Variants in TRDN observed in about 807,000 individuals in gnomAD.
TRDN encodes the protein triadin, also known as triadin in skeletal muscle.
In TRDN, 161 loss-of-function variants were observed where a neutral mutation model predicts 149.7. That is an observed-to-expected ratio of 1.08 (90% CI 0.95 to 1.23). The LOEUF (loss-of-function observed/expected upper bound fraction) is 1.23, where lower values mean the gene tolerates loss of function less well. Among genes scored for constraint, TRDN ranks in the 50% most tolerant of loss-of-function variants. The pLI is 0.00. For synonymous variants in TRDN, 294 were observed against 250.5 expected (o/e 1.17, Z -1.64); for missense variants, 896 against 823.5 (o/e 1.09, Z -1.08).
intron 10 of TRDN, among the ~76,000 whole-genome samples, chr6:123,455,562 T>C (rs1776068725): frequency 6.6e-6 from 1 of 152,158 alleles, no homozygotes; most frequent in Non-Finnish European, 1.5e-5. Flanking sequence ...ATGCTCAAAG[T>C]TTACTGACTT....
intron 9 of TRDN, among the ~76,000 whole-genome samples, chr6:123,486,011 T>C (rs1420321393): frequency 3.3e-5 from 5 of 152,054 alleles, no homozygotes; most frequent in African/African-American, 9.7e-5. Flanking sequence ...CTTTCATTCA[T>C]AGCAAATTAA....
At chr6:123,380,563 G>A (rs1781676430) in intron 16 of TRDN, among the ~76,000 whole-genome samples, 1 of 152,204 alleles carries the variant, frequency 6.6e-6, no homozygotes. Flanking sequence ...AACGTTGAAT[G>A]TCTCAGCATC....
chr6:123,419,050 A>C lies in TRDN; in HGVS notation c.1051+19013T>G, dbSNP rs185224979. Among the ~76,000 whole-genome samples the C allele has an allele frequency of 3.9e-5, 6 of 152,036 alleles. No individual in the cohort carries two copies. In the East Asian group the frequency reaches 9.7e-4, roughly 25 times the overall value. On this transcript the variant is annotated intron_variant, in intron 12 of 40. Transcript: ENST00000334268. ...TCTATCTATGTGAACCTACTCCCAA[A>C]GGCCATGGGAGCTGAGAGGCTAAAA...
chr6:123,519,291 CT>C (rs1779555334), intron 5 of TRDN, among the ~76,000 whole-genome samples: 1 of 151,926 alleles, frequency 6.6e-6, no homozygotes, highest in Non-Finnish European at 1.5e-5. Flanking sequence ...AGACTCTGAC[CT>C]TTCCCTGACC....
intron 14 of TRDN, among the ~76,000 whole-genome samples, chr6:123,386,699 G>T (rs937618463): frequency 6.6e-6 from 1 of 152,138 alleles, no homozygotes. Context: ...GCCTGGAATG[G>T]AGCTGCAGAC....
chr6:123,297,119 G>A (rs564929262), intron 24 of TRDN, among the ~76,000 whole-genome samples: 65 of 152,090 alleles, frequency 4.3e-4, no homozygotes, highest in African/African-American at 1.6e-3. Flanking sequence ...GTATGCATTG[G>A]CTATATATTA....
intron 24 of TRDN, among the ~76,000 whole-genome samples, chr6:123,314,922 A>G (rs1470235714): frequency 1.3e-5 from 2 of 151,998 alleles, no homozygotes; most frequent in African/African-American, 4.8e-5. Flanking sequence ...CGATGAAATA[A>G]TTGGTACAAC....
At chr6:123,224,055 G>A (rs775242901) in intron 39 of TRDN, 38 bp downstream of exon 39, 1 of 1,582,002 alleles carries the variant, frequency 6.3e-7, no homozygotes, top group Non-Finnish European at 8.6e-7. Flanking sequence ...ATAGCTTTGA[G>A]AGAAAACTTG....
intron 1 of TRDN, among the ~76,000 whole-genome samples, chr6:123,609,171 T>C (rs1562423905): frequency 6.6e-6 from 1 of 151,350 alleles, no homozygotes; most frequent in Non-Finnish European, 1.5e-5. Flanking sequence ...AGACTCCATC[T>C]CAAAAAAACA....
chr6:123,248,567 A>G (rs543314768), intron 38 of TRDN, among the ~76,000 whole-genome samples: 7 of 152,206 alleles, frequency 4.6e-5, no homozygotes, highest in African/African-American at 1.4e-4. Flanking sequence ...AAAAAAAATA[A>G]AAATAAAAAT....
At chr6:123,466,897 G>A (rs1180389547) in intron 9 of TRDN, among the ~76,000 whole-genome samples, 1 of 151,976 alleles carries the variant, frequency 6.6e-6, no homozygotes, top group African/African-American at 2.4e-5. Context: ...GTGAATAGTA[G>A]TGGGTGTATA....
Position 123,434,634 on chromosome 6 carries a change from T to G in TRDN, c.1051+3429A>C, listed in dbSNP as rs115335531. Reference sequence around the variant, plus strand: ...CAGTGCCAACTACAGTGTTTAGTGTTTCTAGCACTGAAGTCTAATACAAAC... The same window carrying G: ...CAGTGCCAACTACAGTGTTTAGTGTGTCTAGCACTGAAGTCTAATACAAAC... On this transcript the variant is annotated intron_variant, in intron 12 of 40. Transcript: ENST00000334268. Among the ~76,000 whole-genome samples the G allele has an allele frequency of 5.3e-3, 812 of 152,308 alleles. 15 individuals carry two copies. Among genetic ancestry groups the G allele is most frequent in the African/African-American group, 0.018 (761 of 41,556 alleles).
intron 7 of TRDN, 60 bp from the exon 8 acceptor site, chr6:123,503,961 C>A (rs1233698195): frequency 2.0e-6 from 3 of 1,482,086 alleles, no homozygotes; most frequent in Non-Finnish European, 2.7e-6. Context: ...AATGTTTCAT[C>A]TGTACTATGT....
intron 5 of TRDN, among the ~76,000 whole-genome samples, chr6:123,523,167 A>G (rs901394896): frequency 1.3e-5 from 2 of 152,172 alleles, no homozygotes; most frequent in African/African-American, 2.4e-5. Context: ...GACACTCCGT[A>G]TGAGAATCAA....
intron 32 of TRDN, 115 bp downstream of exon 32, chr6:123,267,592 G>C: frequency 1.5e-6 from 1 of 671,960 alleles, no homozygotes; most frequent in Non-Finnish European, 2.3e-6. Context: ...AAAACCACAG[G>C]ACAACACATT....
chr6:123,293,484 T>A (rs891130199), intron 24 of TRDN, among the ~76,000 whole-genome samples: 3 of 152,062 alleles, frequency 2.0e-5, no homozygotes, highest in Non-Finnish European at 4.4e-5. Flanking sequence ...ATTCCACTTG[T>A]AAGTTAGGAG....
At chr6:123,630,733 C>T (rs1020589355) in intron 1 of TRDN, among the ~76,000 whole-genome samples, 2 of 151,830 alleles carry the variant, frequency 1.3e-5, no homozygotes, top group African/African-American at 4.8e-5. Flanking sequence ...TTAACGGAAC[C>T]TAACAAGGGC....
At chr6:123,442,101 T>C (rs1278850387) in intron 10 of TRDN, 1 of 152,218 alleles carries the variant, frequency 6.6e-6, no homozygotes, top group Non-Finnish European at 1.5e-5. Context: ...ATTAGAGTTG[T>C]CCCATTGTTA....
At chr6:123,349,213 T>C (rs1367042435) in intron 21 of TRDN, among the ~76,000 whole-genome samples, 1 of 152,066 alleles carries the variant, frequency 6.6e-6, no homozygotes, top group Non-Finnish European at 1.5e-5. Flanking sequence ...TAAGAAGAAG[T>C]AAAATGTATT....
Sources: gnomAD v4.1 joint callset for allele counts (sites outside exome capture counted in the v4.1 genomes callset) on GRCh38, gnomAD v4.1.1 for gene constraint, MANE v1.5 for transcripts, NCBI Gene and HGNC (gene_info 2026-07-23, HGNC 2026-07-21) for gene names.